PYGL: variants seen among roughly 807,000 people sequenced by gnomAD.
PYGL encodes the protein glycogen phosphorylase, liver form.
PYGL carries 90 observed loss-of-function variants against 100.1 expected under a neutral mutation model. The observed-to-expected ratio is 0.90, with a 90% CI of 0.76 to 1.07. PYGL has a LOEUF of 1.07. Among genes scored for constraint, PYGL ranks in the 50% least tolerant of loss-of-function variants. The pLI is 0.00. For missense variants in PYGL, 1,016 were observed against 1,057.6 expected (o/e 0.96, Z 0.55); for synonymous variants, 373 against 393.0 (o/e 0.95, Z 0.60).
Position 50,937,835 on chromosome 14 carries a change from C to G in PYGL, c.246G>C (p.Arg82Ser). 4.4e-6 allele frequency: 7 copies of G among 1,605,672 alleles called. No homozygotes were observed. The highest frequency in any genetic ancestry group is 6.0e-6 in the Non-Finnish European group (7 of 1,172,452). The change falls in exon 2 of 20, where the codon AGG becomes AGC. Residue 82 changes from arginine (R) to serine (S), a missense_variant and splice_region_variant. Coordinates refer to ENST00000216392, the MANE Select transcript of PYGL (RefSeq NM_002863.5). ...QQHYYDKCPK[R>S]VYYLSLEFYM... ...AAAATTCCAGAGAGAGGTAATATAC[C>G]CTCTGAAATAAAGAAAAGAGAGATA... is the stretch of plus-strand genomic sequence containing the variant.
At chr14:50,940,111 T>C (rs573006222) in intron 1 of PYGL, among the ~76,000 whole-genome samples, 51 of 152,330 alleles carry the variant, frequency 3.3e-4, no homozygotes, top group African/African-American at 1.2e-3. Flanking sequence ...AAAAGTACCT[T>C]CTCTGGGGCA....
chr14:50,938,152 C>T (rs1596052604), intron 1 of PYGL, among the ~76,000 whole-genome samples: 3 of 152,140 alleles, frequency 2.0e-5, no homozygotes, highest in African/African-American at 2.4e-5. Flanking sequence ...TTTTCTTTGC[C>T]TCCTTTTTAA....
At chr14:50,938,575 G>A (rs2139198768) in intron 1 of PYGL, among the ~76,000 whole-genome samples, 1 of 152,268 alleles carries the variant, frequency 6.6e-6, no homozygotes, top group East Asian at 1.9e-4. Flanking sequence ...ATTCTTGTGC[G>A]AGATCCAAGA....
chr14:50,920,760 C>T (rs1303703305), intron 6 of PYGL, 137 bp from the exon 7 acceptor site: 65 of 1,080,194 alleles, frequency 6.0e-5, no homozygotes, highest in Non-Finnish European at 8.6e-5. Flanking sequence ...TTCAACACAC[C>T]GTCATGCTGG....
intron 4 of PYGL, among the ~76,000 whole-genome samples, chr14:50,928,004 C>T (rs2050568233): frequency 1.3e-5 from 2 of 152,300 alleles, no homozygotes; most frequent in Non-Finnish European, 2.9e-5. Context: ...GAACTTTCAT[C>T]TACATCCAAG....
chr14:50,926,903 T>C (rs567441846), intron 4 of PYGL, among the ~76,000 whole-genome samples: 45 of 152,278 alleles, frequency 3.0e-4, no homozygotes, highest in Middle Eastern at 6.8e-3. Flanking sequence ...TACTGAGCAA[T>C]GTGAACACTG....
intron 4 of PYGL, among the ~76,000 whole-genome samples, chr14:50,928,142 A>G (rs1380499871): frequency 6.6e-6 from 1 of 152,090 alleles, no homozygotes; most frequent in Non-Finnish European, 1.5e-5. Context: ...TAGAGGAATG[A>G]CTCAATGGAA....
chr14:50,930,721 A>G (rs1566510700), intron 4 of PYGL, among the ~76,000 whole-genome samples: 1 of 152,210 alleles, frequency 6.6e-6, no homozygotes, highest in Non-Finnish European at 1.5e-5. Flanking sequence ...CTCTGCATCC[A>G]GTCCCTGAGC....
chr14:50,906,721 G>A (rs936994429), intron 19 of PYGL, among the ~76,000 whole-genome samples: 3 of 152,122 alleles, frequency 2.0e-5, no homozygotes, highest in African/African-American at 7.2e-5. Context: ...GCATTCTTGC[G>A]GCCTGTATAT....
At chr14:50,939,646 A>G (rs2139200127) in intron 1 of PYGL, among the ~76,000 whole-genome samples, 1 of 152,190 alleles carries the variant, frequency 6.6e-6, no homozygotes, top group South Asian at 2.1e-4. Flanking sequence ...TTCTCCAATC[A>G]TCTATCCTCT....
chr14:50,909,064 C>T, intron 17 of PYGL, 109 bp from the exon 18 acceptor site: 2 of 1,253,222 alleles, frequency 1.6e-6, no homozygotes, highest in African/African-American at 3.0e-5. Flanking sequence ...TTCAGAAATA[C>T]TAGCATTCAA....
chr14:50,944,206 CCCCACCAGGTGGTCGCGCA>C lies in PYGL; in HGVS notation c.179_197del (p.Val60GlyfsTer35), dbSNP rs1469198620. ...AGTGCTGCTGCGTGCGGATCCAGCG[CCCCACCAGGTGGTCGCGCA>C]CCGTGTGCGCCAGCGCGAAGTAGTA... On this transcript the variant is annotated frameshift_variant, in exon 1 of 20. Coordinates refer to ENST00000216392, the MANE Select transcript of PYGL (RefSeq NM_002863.5). LOFTEE classifies it high-confidence loss of function. 3 of 1,611,714 alleles carry C rather than the reference CCCCACCAGGTGGTCGCGCA, an allele frequency of 1.9e-6. No individual in the cohort carries two copies. Among genetic ancestry groups the C allele is most frequent in the Non-Finnish European group, 2.5e-6 (3 of 1,179,830 alleles).
At chr14:50,915,996 G>C in intron 9 of PYGL, 25 bp from the exon 10 acceptor site, 1 of 1,613,574 alleles carries the variant, frequency 6.2e-7, no homozygotes, top group Non-Finnish European at 8.5e-7. Context: ...GGAGTCAGCT[G>C]CTTGCCCTGA....
chr14:50,942,284 GGA>G lies in PYGL; in HGVS notation c.243+1875_243+1876del, dbSNP rs2139203419. On this transcript the variant is annotated intron_variant, in intron 1 of 19. Transcript: ENST00000216392. ...CTTATATCTGCACTCACGTAGAAAAGGAGAGCCCAGTGAAGAAACTGGCCGGA... is the reference window on the plus strand; with the variant it reads ...CTTATATCTGCACTCACGTAGAAAAGGAGCCCAGTGAAGAAACTGGCCGGA... 1.9e-5 allele frequency among the ~76,000 whole-genome samples: 2 copies of G among 106,702 alleles called. 1 individual carries two copies. The highest frequency in any genetic ancestry group is 4.3e-5 in the Non-Finnish European group (2 of 46,212). 70.0% of individuals were successfully genotyped at this position (106,702 alleles called of 152,430 possible). A position where few individuals can be genotyped will look rare whatever the true frequency, so the allele number is the denominator to read the frequency against.
chr14:50,925,308 T>C (rs1313236336), intron 4 of PYGL, among the ~76,000 whole-genome samples: 1 of 152,224 alleles, frequency 6.6e-6, no homozygotes. Flanking sequence ...GGGACCACTA[T>C]TGCATATGTG....
chr14:50,929,524 T>A (rs2050584578), intron 4 of PYGL, among the ~76,000 whole-genome samples: 1 of 152,108 alleles, frequency 6.6e-6, no homozygotes, highest in Non-Finnish European at 1.5e-5. Context: ...TGACCCTTCA[T>A]AAAACGTAAG....
Position 50,908,870 on chromosome 14 carries a change from G to T in PYGL, c.2263C>A (p.Gln755Lys). 6.4e-7 allele frequency: 1 copy of T among 1,574,232 alleles called. No individual in the cohort carries two copies. Among genetic ancestry groups the T allele is most frequent in the Non-Finnish European group, 8.7e-7 (1 of 1,143,952 alleles). Residue 755 changes from glutamine (Q) to lysine (K), a missense_variant, in exon 18 of 20, where the codon CAG (glutamine) becomes AAG (lysine). Coordinates refer to ENST00000216392, the MANE Select transcript of PYGL (RefSeq NM_002863.5). ...ATGATATCTTTGAAGAGGTCAGGCT[G>T]CTTGGGAGAAAAAAAGCCATTGTCA... Reference protein sequence around the residue: ...QIDNGFFSPKQPDLFKDIINM... With the variant: ...QIDNGFFSPKKPDLFKDIINM...
chr14:50,926,701 G>A (rs2050550387), intron 4 of PYGL, among the ~76,000 whole-genome samples: 1 of 122,976 alleles, frequency 8.1e-6, no homozygotes, highest in South Asian at 2.8e-4. Context: ...ACTCCAGCCT[G>A]GGAGACAGAG....
rs1490608658 is a variant in PYGL at position 50,942,985 on chromosome 14, A to G, written c.243+1176T>C. ...TTGGGGTGAAGAAGAGTTACTTTCC[A>G]TTTGAAAACTGTTACAGTTGCAATT... On this transcript the variant is annotated intron_variant, in intron 1 of 19. Transcript: ENST00000216392. 3.3e-5 allele frequency among the ~76,000 whole-genome samples: 5 copies of G among 152,328 alleles called. No homozygotes were observed. In the East Asian group the frequency reaches 9.6e-4, roughly 29 times the overall value.
Sources: allele counts gnomAD v4.1 joint callset (sites outside exome capture counted in the v4.1 genomes callset), GRCh38; gene constraint gnomAD v4.1.1; transcripts MANE v1.5; gene names NCBI Gene and HGNC (gene_info 2026-07-23, HGNC 2026-07-21).